ADAM32: variants seen among roughly 807,000 people sequenced by gnomAD.
ADAM32 encodes disintegrin and metalloproteinase domain-containing protein 32.
A neutral mutation model predicts 114.9 loss-of-function variants in ADAM32; 89 were observed. The observed-to-expected ratio is 0.77, with a 90% confidence interval of 0.65 to 0.92. The LOEUF is 0.92. ADAM32 is among the 40% of genes least tolerant of loss of function. ADAM32 has a pLI of 0.00. For synonymous variants in ADAM32, 285 were observed against 307.5 expected, an observed-to-expected ratio of 0.93 and a Z score of 0.77; for missense variants, 870 against 932.8, an observed-to-expected ratio of 0.93 and a Z score of 0.88.
At chr8:39,274,474 G>A in intron 21 of ADAM32, 124 bp downstream of exon 21, 4 of 1,048,152 alleles carry the variant, frequency 3.8e-6, no homozygotes, top group Non-Finnish European at 5.7e-6. Flanking sequence ...CTAAAATCCA[G>A]ACTGCTAATA....
chr8:39,238,304 C>A (rs1416277643), intron 16 of ADAM32, among the ~76,000 whole-genome samples: 1 of 152,162 alleles, frequency 6.6e-6, no homozygotes, highest in African/African-American at 2.4e-5. Context: ...AGCTCCACTG[C>A]GTGGCTAGAC....
chr8:39,280,520 G>C (rs1163562095), intron 22 of ADAM32, among the ~76,000 whole-genome samples: 1 of 152,164 alleles, frequency 6.6e-6, no homozygotes, highest in African/African-American at 2.4e-5. Context: ...GACATTTACA[G>C]TTAAATTTAC....
At chr8:39,249,299 C>T (rs988336921) in intron 17 of ADAM32, among the ~76,000 whole-genome samples, 2 of 152,124 alleles carry the variant, frequency 1.3e-5, no homozygotes, top group Non-Finnish European at 2.9e-5. Context: ...AGATGAAGTA[C>T]ATCAGCTAAT....
intron 6 of ADAM32, among the ~76,000 whole-genome samples, chr8:39,152,471 C>G (rs1041958141): frequency 1.3e-5 from 2 of 152,256 alleles, no homozygotes; most frequent in South Asian, 4.1e-4. Context: ...CCTGTAATCC[C>G]AGCACTTTGG....
At chr8:39,227,815 C>A (rs541406622) in intron 14 of ADAM32, among the ~76,000 whole-genome samples, 2 of 152,298 alleles carry the variant, frequency 1.3e-5, no homozygotes, top group East Asian at 3.9e-4. Context: ...TGGTCCCTCT[C>A]CATACTACCA....
At chr8:39,148,598 G>A (rs1234823965) in intron 4 of ADAM32, among the ~76,000 whole-genome samples, 1 of 151,784 alleles carries the variant, frequency 6.6e-6, no homozygotes, top group Non-Finnish European at 1.5e-5. Context: ...CCGAGGGCAG[G>A]GCTTTTGGTC....
At chr8:39,108,945 A>G (rs936162290) in intron 1 of ADAM32, among the ~76,000 whole-genome samples, 1 of 152,206 alleles carries the variant, frequency 6.6e-6, no homozygotes, top group Non-Finnish European at 1.5e-5. Context: ...TTATAAGGGC[A>G]TGAATCTCAT....
At position 39,118,171 on chromosome 8, in the gene ADAM32, A is replaced by AG; in HGVS notation, c.138+7dup. ...ACAGTTCAGAAATAGAATATGTAAG[A>AG]GATATTTTTTCACAATCTAAATGTT... On this transcript the variant is annotated splice_region_variant and intron_variant, in intron 2 of 24. Coordinates refer to ENST00000379907, the MANE Select transcript of ADAM32 (RefSeq NM_145004.7). 7.2e-7 allele frequency: 1 copy of AG among 1,394,820 alleles called. No homozygotes were observed. The highest frequency in any genetic ancestry group is 2.8e-5 in the East Asian group (1 of 36,040). 86.4% of individuals were successfully genotyped at this position (1,394,820 alleles called of 1,614,324 possible). A position where few individuals can be genotyped will look rare whatever the true frequency, so the allele number is the denominator to read the frequency against.
chr8:39,268,873 G>C (rs1812534570), intron 19 of ADAM32, among the ~76,000 whole-genome samples: 1 of 152,164 alleles, frequency 6.6e-6, no homozygotes, highest in East Asian at 1.9e-4. Context: ...CCCATAAAAA[G>C]ACAGTACCAT....
intron 5 of ADAM32, among the ~76,000 whole-genome samples, chr8:39,150,106 C>T (rs944438612): frequency 3.9e-5 from 6 of 152,090 alleles, no homozygotes; most frequent in East Asian, 1.9e-4. Flanking sequence ...CTATGTCTTA[C>T]GTTTCCTTAA....
At chr8:39,165,396 C>CT (rs1284341371) in intron 9 of ADAM32, 200 bp downstream of exon 9, 1 of 444,014 alleles carries the variant, frequency 2.3e-6, no homozygotes, top group Non-Finnish European at 3.8e-6. Flanking sequence ...GCTAATAAAG[C>CT]TTTTATAAAT....
intron 11 of ADAM32, among the ~76,000 whole-genome samples, chr8:39,194,099 T>C (rs1218419822): frequency 1.3e-5 from 2 of 152,110 alleles, no homozygotes; most frequent in Non-Finnish European, 2.9e-5. Flanking sequence ...GGTGACAGCA[T>C]AGCTCAGGGT....
chr8:39,115,972 G>A (rs867851468), intron 1 of ADAM32, among the ~76,000 whole-genome samples: 4 of 152,084 alleles, frequency 2.6e-5, no homozygotes, highest in Admixed American at 6.5e-5. Context: ...CAGTTATCCC[G>A]GCACCATTTA....
At chr8:39,244,585 T>G (rs942012539) in intron 16 of ADAM32, among the ~76,000 whole-genome samples, 4 of 152,200 alleles carry the variant, frequency 2.6e-5, no homozygotes, top group Non-Finnish European at 5.9e-5. Flanking sequence ...GTGGGATAAC[T>G]GGCAAGCCAC....
At chr8:39,283,930 T>C (rs1185126626) in intron 24 of ADAM32, among the ~76,000 whole-genome samples, 1 of 152,160 alleles carries the variant, frequency 6.6e-6, no homozygotes, top group Non-Finnish European at 1.5e-5. Context: ...TGTGCCGCCA[T>C]GCCCGCCTAA....
intron 18 of ADAM32, among the ~76,000 whole-genome samples, chr8:39,255,234 G>A (rs1416164877): frequency 1.3e-5 from 2 of 151,866 alleles, no homozygotes; most frequent in Non-Finnish European, 2.9e-5. Flanking sequence ...CTTCCTCTGG[G>A]TAGATTTCCA....
At chr8:39,251,822 T>C (rs1314400231) in intron 17 of ADAM32, among the ~76,000 whole-genome samples, 1 of 151,840 alleles carries the variant, frequency 6.6e-6, no homozygotes, top group Non-Finnish European at 1.5e-5. Context: ...TTTTCCTACA[T>C]TTTCTCCTGG....
intron 11 of ADAM32, among the ~76,000 whole-genome samples, chr8:39,208,941 C>A (rs1015225669): frequency 2.0e-4 from 31 of 152,210 alleles, no homozygotes; most frequent in African/African-American, 7.2e-4. Context: ...GAGGTTTGGA[C>A]AATTTTCCAT....
chr8:39,145,929 C>T (rs1040338424), intron 3 of ADAM32, among the ~76,000 whole-genome samples: 2 of 151,990 alleles, frequency 1.3e-5, no homozygotes, highest in Non-Finnish European at 2.9e-5. Flanking sequence ...TGAGGTTTCG[C>T]CTTGTTACCC....
Sources: allele counts gnomAD v4.1 joint callset (sites outside exome capture counted in the v4.1 genomes callset), GRCh38; gene constraint gnomAD v4.1.1; transcripts MANE v1.5; gene names NCBI Gene and HGNC (gene_info 2026-07-23, HGNC 2026-07-21).